KIRREL3: variants seen among roughly 807,000 people sequenced by gnomAD.
KIRREL3 encodes the protein kirre like nephrin family adhesion molecule 3, also known as kin of IRRE-like protein 3.
Under a neutral mutation model 89.7 loss-of-function variants are expected in KIRREL3, and 36 were observed. The observed-to-expected ratio is 0.40, with a 90% CI of 0.31 to 0.53. The LOEUF is 0.53. Among genes scored for constraint, KIRREL3 ranks in the 20% least tolerant of loss-of-function variants. KIRREL3 has a pLI of 0.49. For synonymous variants in KIRREL3, 445 were observed against 441.4 expected (o/e 1.01, Z -0.10); for missense variants, 864 against 1,056.6 (o/e 0.82, Z 2.53).
rs1948880578 is a variant in KIRREL3 at position 126,954,959 on chromosome 11, AC to A, written c.55+45495del. ...GCATTCCCTCTCCTTGTCACATCTG[AC>A]CAGTGGTTCATACAGATGTGTTACA... On this transcript the variant is annotated intron_variant, in intron 1 of 16. Transcript: ENST00000525144. This position sits in a 1 kb window ranked among gnomAD's most constrained non-coding sequence, Gnocchi z 4.1. 6.6e-6 allele frequency among the ~76,000 whole-genome samples: 1 copy of A among 152,056 alleles called. No individual in the cohort carries two copies.
In KIRREL3 at chr11:126,441,595, A is replaced by G. The variant is rs1455267035; in HGVS notation, c.1253-1046T>C. Among the ~76,000 whole-genome samples the G allele has an allele frequency of 6.6e-6, 1 of 152,254 alleles. No individual in the cohort carries two copies. Among genetic ancestry groups the G allele is most frequent in the East Asian group, 1.9e-4 (1 of 5,202 alleles). ...GACTTAGATGGCAGATACCAGAGGA[A>G]AGACAGCCGGGAGCAACGCATCTGG... On this transcript the variant is annotated intron_variant, in intron 10 of 16. Coordinates refer to ENST00000525144, the MANE Select transcript of KIRREL3 (RefSeq NM_032531.4). This position sits in a 1 kb window ranked among gnomAD's most constrained non-coding sequence, Gnocchi z 5.0.
At chr11:126,603,906 C>T (rs1942773477) in intron 1 of KIRREL3, among the ~76,000 whole-genome samples, 1 of 152,190 alleles carries the variant, frequency 6.6e-6, no homozygotes, top group Non-Finnish European at 1.5e-5. Flanking sequence ...CCTCCTCCCA[C>T]TAGCCCCGAG....
intron 1 of KIRREL3, among the ~76,000 whole-genome samples, chr11:126,968,430 T>C (rs1370374907): frequency 1.3e-5 from 2 of 152,192 alleles, no homozygotes; most frequent in African/African-American, 4.8e-5. Context: ...TCAATGGGTT[T>C]GGATTTTTTA....
At chr11:126,465,230 A>T (rs1309716373) in intron 5 of KIRREL3, among the ~76,000 whole-genome samples, 3 of 152,182 alleles carry the variant, frequency 2.0e-5, no homozygotes, top group Non-Finnish European at 4.4e-5. Context: ...CTCCTCCCTC[A>T]AAACCTCCCA....
intron 8 of KIRREL3, among the ~76,000 whole-genome samples, chr11:126,447,210 C>A (rs575890042): frequency 7.2e-4 from 109 of 152,334 alleles, no homozygotes; most frequent in African/African-American, 2.5e-3. Context: ...GCTCTCATCC[C>A]CTTCCCTCTG....
At chr11:126,478,231 G>A (rs1301255332) in intron 4 of KIRREL3, among the ~76,000 whole-genome samples, 4 of 152,188 alleles carry the variant, frequency 2.6e-5, no homozygotes, top group Non-Finnish European at 5.9e-5. Flanking sequence ...CAATGAAGGT[G>A]CAGCTTCAAG....
intron 1 of KIRREL3, among the ~76,000 whole-genome samples, chr11:126,873,989 C>T (rs1945191094): frequency 6.6e-6 from 1 of 152,164 alleles, no homozygotes; most frequent in Non-Finnish European, 1.5e-5. Flanking sequence ...TGGTGGTTTG[C>T]ACCGTCAAGA....
At chr11:126,980,439 G>A (rs1342497459) in intron 1 of KIRREL3, among the ~76,000 whole-genome samples, 2 of 152,306 alleles carry the variant, frequency 1.3e-5, no homozygotes, top group African/African-American at 2.4e-5. Flanking sequence ...CAGGCAAAGG[G>A]TAGCCAGTGG....
At position 126,578,710 on chromosome 11, in the gene KIRREL3, CAACAGGCTTCTGGACTTCTGA is replaced by C. The variant is rs1221147350; in HGVS notation, c.56-15819_56-15799del. On this transcript the variant is annotated intron_variant, in intron 1 of 16. Coordinates refer to ENST00000525144, the MANE Select transcript of KIRREL3 (RefSeq NM_032531.4). This position sits in a 1 kb window ranked among gnomAD's most constrained non-coding sequence, Gnocchi z 4.9. ...CAATGGGTATGGCAAACTTCCTGAC[CAACAGGCTTCTGGACTTCTGA>C]CTCAGCACCAGTCCTGCTCCTTCTG... Among the ~76,000 whole-genome samples the C allele has an allele frequency of 6.6e-6, 1 of 152,122 alleles. No individual in the cohort carries two copies. Among genetic ancestry groups the C allele is most frequent in the Admixed American group, 6.5e-5 (1 of 15,282 alleles).
chr11:126,975,295 C>T (rs1333764132), intron 1 of KIRREL3, among the ~76,000 whole-genome samples: 1 of 152,204 alleles, frequency 6.6e-6, no homozygotes, highest in East Asian at 1.9e-4. Flanking sequence ...ATCTCTGATG[C>T]ACTATTATCC....
rs1424250787 is a variant in KIRREL3, at chr11:126,977,633, G to A, written c.55+22822C>T. 6.6e-6 allele frequency among the ~76,000 whole-genome samples: 1 copy of A among 152,192 alleles called. No homozygotes were observed. Among genetic ancestry groups the A allele is most frequent in the Non-Finnish European group, 1.5e-5 (1 of 68,032 alleles). On this transcript the variant is annotated intron_variant, in intron 1 of 16. Transcript: ENST00000525144. The surrounding 1 kb of genome is among the most constrained non-coding windows in gnomAD (Gnocchi z 4.7). ...TTATACCTTGTTGGCACAATGCCTGGCACATAGTGGGTGTTCGATAAATAT... is the reference window on the plus strand; with the variant it reads ...TTATACCTTGTTGGCACAATGCCTGACACATAGTGGGTGTTCGATAAATAT...
rs1247891241 is a variant in KIRREL3, at chr11:126,459,231, C to T, written c.743-2777G>A. On this transcript the variant is annotated intron_variant, in intron 6 of 16. Coordinates refer to ENST00000525144, the MANE Select transcript of KIRREL3 (RefSeq NM_032531.4). The surrounding 1 kb of genome is among the most constrained non-coding windows in gnomAD (Gnocchi z 4.8). The stretch of plus-strand genomic sequence containing the variant: ...GGGGGCTGTTCCAGGAGGCCCTTCC[C>T]TCACCTGGGGGTCTTTTCTAAAGTG... Among the ~76,000 whole-genome samples, 1 of 152,136 alleles carries T rather than the reference C, an allele frequency of 6.6e-6. No individual in the cohort carries two copies. The highest frequency in any genetic ancestry group is 1.5e-5 in the Non-Finnish European group (1 of 68,022).
At chr11:126,828,409 T>C (rs1943490037) in intron 1 of KIRREL3, among the ~76,000 whole-genome samples, 1 of 152,170 alleles carries the variant, frequency 6.6e-6, no homozygotes, top group Non-Finnish European at 1.5e-5. Context: ...CCTTAGTCTC[T>C]CCTACAAAGT....
intron 1 of KIRREL3, among the ~76,000 whole-genome samples, chr11:126,875,775 T>C (rs2846287): frequency 0.83 from 126,749 of 152,238 alleles, 52,896 homozygotes; most frequent in East Asian, 1. Flanking sequence ...GCATTTGTCT[T>C]CATAATATGT....
At chr11:126,524,269 G>A (rs1033614440) in intron 3 of KIRREL3, among the ~76,000 whole-genome samples, 22 of 152,210 alleles carry the variant, frequency 1.4e-4, no homozygotes, top group Non-Finnish European at 3.1e-4. Flanking sequence ...TATGTAAAGT[G>A]CCTGGCACAT....
intron 13 of KIRREL3, among the ~76,000 whole-genome samples, chr11:126,434,224 A>G (rs1176833684): frequency 6.6e-6 from 1 of 152,146 alleles, no homozygotes; most frequent in Non-Finnish European, 1.5e-5. Flanking sequence ...GGCTGTCCCC[A>G]CTCAGCCTCC....
intron 1 of KIRREL3, among the ~76,000 whole-genome samples, chr11:126,930,644 A>G (rs975348234): frequency 6.6e-6 from 1 of 152,062 alleles, no homozygotes; most frequent in African/African-American, 2.4e-5. Context: ...AGGTCACTGG[A>G]TTGCTTCATC....
rs1457678304 is a variant in KIRREL3 at position 126,768,636 on chromosome 11, A to G, written c.56-205724T>C. Among the ~76,000 whole-genome samples the G allele has an allele frequency of 6.6e-6, 1 of 152,172 alleles. No individual in the cohort carries two copies. Among genetic ancestry groups the G allele is most frequent in the Non-Finnish European group, 1.5e-5 (1 of 68,042 alleles). ...GGTAGTCAGGATGGACTCTTGGAGG[A>G]TGTGACCTTTGGGCTAAGACCTGCA... On this transcript the variant is annotated intron_variant, in intron 1 of 16. Transcript: ENST00000525144. The surrounding 1 kb of genome is among the most constrained non-coding windows in gnomAD (Gnocchi z 4.5).
At position 126,551,311 on chromosome 11, in the gene KIRREL3, G is replaced by C. The variant is rs916826783; in HGVS notation, c.133+11524C>G. On this transcript the variant is annotated intron_variant, in intron 2 of 16. Transcript: ENST00000525144. The surrounding 1 kb of genome is among the most constrained non-coding windows in gnomAD (Gnocchi z 4.9). ...GTCTTAAGACCCACAATCAGAAAGT[G>C]GTGAAAGGTTAGAGTCCTGCGATGG... Among the ~76,000 whole-genome samples, 1 of 152,124 alleles carries C rather than the reference G, an allele frequency of 6.6e-6. No homozygotes were observed. The highest frequency in any genetic ancestry group is 2.4e-5 in the African/African-American group (1 of 41,420).
Sources: allele counts gnomAD v4.1 joint callset (sites outside exome capture counted in the v4.1 genomes callset), GRCh38; gene constraint gnomAD v4.1.1; non-coding constraint Gnocchi (gnomAD v3.1); transcripts MANE v1.5; gene names NCBI Gene and HGNC (gene_info 2026-07-23, HGNC 2026-07-21).